The following UBE3D variants were observed in gnomAD, a reference collection of about 807,000 sequenced individuals.
UBE3D encodes the protein ubiquitin protein ligase E3D.
In UBE3D, 48 loss-of-function variants were observed where a neutral mutation model predicts 49.6. The ratio of observed to expected loss-of-function variants is 0.97; its 90% CI spans 0.77 to 1.23. The LOEUF (loss-of-function observed/expected upper bound fraction) is 1.23, where lower values mean the gene tolerates loss of function less well. Ranked by LOEUF, UBE3D falls within the 50% of genes most tolerant of loss-of-function variation. UBE3D has a pLI of 0.00. For synonymous variants in UBE3D, 189 were observed against 174.2 expected (o/e 1.08, Z -0.67); for missense variants, 452 against 468.4 (o/e 0.96, Z 0.32).
intron 1 of UBE3D, among the ~76,000 whole-genome samples, chr6:83,058,833 T>C (rs1316263789): frequency 6.6e-6 from 1 of 152,230 alleles, no homozygotes; most frequent in Non-Finnish European, 1.5e-5. Flanking sequence ...TTTCAAAGCA[T>C]ATGGATCTGC....
intron 1 of UBE3D, among the ~76,000 whole-genome samples, chr6:83,064,703 GAA>G (rs1784389424): frequency 1.3e-5 from 2 of 151,680 alleles, no homozygotes; most frequent in African/African-American, 2.4e-5. Flanking sequence ...TTTTGAAAGA[GAA>G]AAAGAAATAC....
intron 8 of UBE3D, among the ~76,000 whole-genome samples, chr6:82,986,917 G>A (rs1273921518): frequency 6.6e-6 from 1 of 151,148 alleles, no homozygotes; most frequent in Non-Finnish European, 1.5e-5. Context: ...CAAAAAGCCT[G>A]CCCGCCTTTC....
At chr6:83,051,295 GGGCCTGCCGAT>G (rs1199579443) in intron 3 of UBE3D, among the ~76,000 whole-genome samples, 1 of 152,152 alleles carries the variant, frequency 6.6e-6, no homozygotes, top group Non-Finnish European at 1.5e-5. Flanking sequence ...CCTGCCTCCA[GGGCCTGCCGAT>G]GGTCAGGGTT....
intron 9 of UBE3D, among the ~76,000 whole-genome samples, chr6:82,910,605 C>T (rs1182154407): frequency 1.3e-5 from 2 of 152,138 alleles, no homozygotes; most frequent in Non-Finnish European, 2.9e-5. Flanking sequence ...GCCCTCACTG[C>T]TCTCCTGGTT....
chr6:82,997,546 C>T (rs1224120068), intron 8 of UBE3D, among the ~76,000 whole-genome samples: 2 of 151,964 alleles, frequency 1.3e-5, no homozygotes, highest in South Asian at 2.1e-4. Context: ...GGTGAAACCC[C>T]GTCTCTACTA....
intron 3 of UBE3D, among the ~76,000 whole-genome samples, chr6:83,050,622 T>C (rs759912609): frequency 3.3e-5 from 5 of 152,208 alleles, no homozygotes; most frequent in Non-Finnish European, 5.9e-5. Flanking sequence ...TCTTGTTTTC[T>C]ATTTAATGAG....
At chr6:83,034,534 G>T (rs1782104710) in intron 5 of UBE3D, among the ~76,000 whole-genome samples, 2 of 152,148 alleles carry the variant, frequency 1.3e-5, no homozygotes, top group South Asian at 4.1e-4. Flanking sequence ...ATGTGTTAAA[G>T]TTGGGGCCTG....
At chr6:82,888,230 A>T (rs1034390213), downstream of UBE3D, among the ~76,000 whole-genome samples, 1 of 151,592 alleles carries the variant, frequency 6.6e-6, no homozygotes, top group Non-Finnish European at 1.5e-5. Flanking sequence ...GTTCAGCCAG[A>T]ACCTCCATAT....
chr6:82,996,155 G>A (rs900983307), intron 8 of UBE3D, among the ~76,000 whole-genome samples: 11 of 152,060 alleles, frequency 7.2e-5, no homozygotes. Context: ...CTAGGGCTGG[G>A]GCTGGGAAAA....
intron 5 of UBE3D, among the ~76,000 whole-genome samples, chr6:83,026,649 C>T (rs999370783): frequency 6.6e-6 from 1 of 152,144 alleles, no homozygotes; most frequent in South Asian, 2.1e-4. Context: ...TTATTACACG[C>T]AGGACTAAAC....
intron 4 of UBE3D, 69 bp from the exon 5 acceptor site, chr6:83,038,554 T>C (rs1470251008): frequency 6.8e-6 from 9 of 1,330,190 alleles, no homozygotes; most frequent in East Asian, 2.3e-5. Context: ...AATTTTAACA[T>C]AGTCCCCAGA....
intron 2 of UBE3D, among the ~76,000 whole-genome samples, chr6:83,055,185 G>A (rs1253499836): frequency 1.3e-5 from 2 of 152,020 alleles, no homozygotes; most frequent in African/African-American, 2.4e-5. Flanking sequence ...AGCAGCATAA[G>A]GCCGCATGTT....
intron 3 of UBE3D, among the ~76,000 whole-genome samples, chr6:83,047,161 C>T (rs1783115305): frequency 6.6e-6 from 1 of 152,206 alleles, no homozygotes; most frequent in Admixed American, 6.5e-5. Context: ...AACCTTTTCC[C>T]TTGCTGCTTG....
chr6:82,998,858 T>A (rs147678901), intron 8 of UBE3D, among the ~76,000 whole-genome samples: 3 of 152,338 alleles, frequency 2.0e-5, no homozygotes, highest in Non-Finnish European at 4.4e-5. Context: ...TTAACCCTGA[T>A]GAACTCAACT....
At chr6:82,909,359 G>C (rs1183998971) in intron 9 of UBE3D, among the ~76,000 whole-genome samples, 1 of 152,108 alleles carries the variant, frequency 6.6e-6, no homozygotes, top group Non-Finnish European at 1.5e-5. Context: ...TATAACATTA[G>C]CCTTTCTGCC....
chr6:82,904,582 C>T (rs143276199), intron 9 of UBE3D, among the ~76,000 whole-genome samples: 1 of 152,328 alleles, frequency 6.6e-6, no homozygotes, highest in East Asian at 1.9e-4. Context: ...GGCCATGGCA[C>T]AGATGAGGCC....
intron 8 of UBE3D, among the ~76,000 whole-genome samples, chr6:82,972,222 T>C (rs763419318): frequency 6.6e-6 from 1 of 152,236 alleles, no homozygotes; most frequent in Non-Finnish European, 1.5e-5. Flanking sequence ...TATCCTCAGA[T>C]GCCCTTCCTT....
In UBE3D at chr6:83,027,297, G is replaced by T. The variant is rs548701685; in HGVS notation, c.668-3259C>A. Among the ~76,000 whole-genome samples the T allele has an allele frequency of 3.3e-5, 5 of 151,754 alleles. No individual in the cohort carries two copies. In the East Asian group the frequency reaches 7.8e-4, roughly 24 times the overall value. ...CTAAAAATACAAAAATTAGCCGGGC[G>T]TGGAGGTGCATGTGTGTAATCCCAG... On this transcript the variant is annotated intron_variant, in intron 5 of 9. Coordinates refer to ENST00000369747, the MANE Select transcript of UBE3D (RefSeq NM_198920.3).
chr6:83,062,261 A>C (rs1175600379), intron 1 of UBE3D, among the ~76,000 whole-genome samples: 1 of 152,212 alleles, frequency 6.6e-6, no homozygotes, highest in African/African-American at 2.4e-5. Flanking sequence ...GAATAAATGA[A>C]TGGCCAAAGT....
Sources: gnomAD v4.1 joint callset for allele counts (sites outside exome capture counted in the v4.1 genomes callset) on GRCh38, gnomAD v4.1.1 for gene constraint, MANE v1.5 for transcripts, NCBI Gene and HGNC (gene_info 2026-07-23, HGNC 2026-07-21) for gene names.